The following AKAP3 variants were observed in gnomAD, a reference collection of about 807,000 sequenced individuals.
The protein encoded by AKAP3 is A-kinase anchoring protein 3.
A neutral mutation model predicts 57.2 loss-of-function variants in AKAP3; 27 were observed. That is an observed-to-expected ratio of 0.47 (90% CI 0.35 to 0.65). AKAP3 has a LOEUF of 0.65. Among genes scored for constraint, AKAP3 ranks in the 30% least tolerant of loss-of-function variants. The pLI is 0.01. For synonymous variants in AKAP3, 334 were observed against 392.3 expected (o/e 0.85, Z 1.76); for missense variants, 959 against 1,040.0 (o/e 0.92, Z 1.07).
intron 4 of AKAP3, among the ~76,000 whole-genome samples, chr12:4,630,273 A>G (rs1265957349): frequency 1.3e-5 from 2 of 152,196 alleles, no homozygotes; most frequent in Non-Finnish European, 2.9e-5. Context: ...TTTAATCCTC[A>G]TATTCGCCTA....
rs1431333107 is a variant in AKAP3, at chr12:4,626,687, T to C, written c.2215A>G (p.Asn739Asp). The C allele has an allele frequency of 6.2e-7, 1 of 1,614,114 alleles. No individual in the cohort carries two copies. Among genetic ancestry groups the C allele is most frequent in the Non-Finnish European group, 8.5e-7 (1 of 1,180,052 alleles). ...TGTCCTGATGTGCCTCTCATTTCAT[T>C]ATGGATAGCTTGATAGGCATTCTGC... Reference protein sequence around the residue: ...VLQNAYQAIHNEMRGTSGQPP... With the variant: ...VLQNAYQAIHDEMRGTSGQPP... Residue 739 changes from asparagine to aspartate, a missense_variant, in exon 5 of 6, where the codon AAT becomes GAT. Transcript: ENST00000228850.
At position 4,628,576 on chromosome 12, in the gene AKAP3, T is replaced by C. The variant is rs1945457709; in HGVS notation, c.326A>G (p.Gln109Arg). The C allele has an allele frequency of 1.2e-6, 2 of 1,614,242 alleles. No individual in the cohort carries two copies. Among genetic ancestry groups the C allele is most frequent in the Middle Eastern group, 1.6e-4 (1 of 6,062 alleles). The change falls in exon 5 of 6, where the codon CAG (glutamine) becomes CGG (arginine). Residue 109 changes from glutamine to arginine, a missense_variant. Transcript: ENST00000228850. ...FEMTHKEIPC[Q>R]GPRAQLGNGS... is the part of the protein sequence containing the mutation. ...GTTGCCAAGTTGGGCCCTGGGGCCCTGGCAAGGAATCTCTTTGTGAGTCAT... is the reference window on the plus strand; with the variant it reads ...GTTGCCAAGTTGGGCCCTGGGGCCCCGGCAAGGAATCTCTTTGTGAGTCAT...
chr12:4,636,946 G>A (rs562149547), intron 4 of AKAP3, among the ~76,000 whole-genome samples: 124 of 152,000 alleles, frequency 8.2e-4, no homozygotes, highest in African/African-American at 2.5e-3. Flanking sequence ...GAGTTTTGCC[G>A]TGTTGCCTGG....
In AKAP3 at chr12:4,627,734, CTTTCTTGGCAAACA is replaced by C. The variant is rs751722173; in HGVS notation, c.1154_1167del (p.Met385SerfsTer3). 1.2e-6 allele frequency: 2 copies of C among 1,614,154 alleles called. No individual in the cohort carries two copies. The highest frequency in any genetic ancestry group is 3.3e-5 in the Admixed American group (2 of 60,018). The stretch of plus-strand genomic sequence containing the variant: ...TGGGCTTTCCTGACATGCTCAGGGA[CTTTCTTGGCAAACA>C]TTACATTGTACAGCTTCCTTAGCAT... On this transcript the variant is annotated frameshift_variant, in exon 5 of 6. Coordinates refer to ENST00000228850, the MANE Select transcript of AKAP3 (RefSeq NM_001278309.2). LOFTEE classifies it high-confidence loss of function.
intron 5 of AKAP3, 130 bp downstream of exon 5, chr12:4,626,365 AT>A: frequency 1.8e-6 from 2 of 1,138,778 alleles, no homozygotes; most frequent in South Asian, 3.2e-5. Context: ...GCCAGGAGGC[AT>A]GATCTTCAAA....
Position 4,627,341 on chromosome 12 carries a change from C to CT in AKAP3, c.1560dup (p.Asp521ArgfsTer32). 1 of 1,614,082 alleles carries CT rather than the reference C, an allele frequency of 6.2e-7. No homozygotes were observed. Among genetic ancestry groups the CT allele is most frequent in the South Asian group, 1.1e-5 (1 of 91,070 alleles). On this transcript the variant is annotated frameshift_variant, in exon 5 of 6. Transcript: ENST00000228850. LOFTEE classifies it high-confidence loss of function. ...ACGATCAGGTCCTCGGCCCAGGAGTCTGAATCATACATAAAATTCTCAGGT... is the reference window on the plus strand; with the variant it reads ...ACGATCAGGTCCTCGGCCCAGGAGTCTTGAATCATACATAAAATTCTCAGGT...
chr12:4,635,801 C>T, intron 4 of AKAP3: 1 of 697,080 alleles, frequency 1.4e-6, no homozygotes, highest in South Asian at 1.6e-5. Flanking sequence ...GTCATCAAGA[C>T]ACACATTTTG....
intron 5 of AKAP3, 50 bp from the exon 6 acceptor site, chr12:4,615,944 G>C (rs761313018): frequency 1.2e-6 from 2 of 1,609,274 alleles, no homozygotes; most frequent in Non-Finnish European, 1.7e-6. Context: ...TCTCATGGCA[G>C]GCCAGATGGA....
intron 4 of AKAP3, among the ~76,000 whole-genome samples, chr12:4,630,924 A>G (rs900845888): frequency 1.1e-4 from 17 of 152,074 alleles, no homozygotes; most frequent in Non-Finnish European, 2.2e-4. Context: ...TCATTTTTAT[A>G]TATGTATGGG....
chr12:4,625,875 T>C lies in AKAP3; in HGVS notation c.2406+621A>G, dbSNP rs1945406298. On this transcript the variant is annotated intron_variant, in intron 5 of 5. Coordinates refer to ENST00000228850, the MANE Select transcript of AKAP3 (RefSeq NM_001278309.2). This position sits in a 1 kb window ranked among gnomAD's most constrained non-coding sequence, Gnocchi z 5.4. ...GCAGTTCTGATGCTTACTGGGCACC[T>C]TGGGTGGAGGACAAGAACTTATCAG... Among the ~76,000 whole-genome samples the C allele has an allele frequency of 6.6e-6, 1 of 152,144 alleles. No homozygotes were observed. The highest frequency in any genetic ancestry group is 1.5e-5 in the Non-Finnish European group (1 of 68,024).
chr12:4,632,245 G>A (rs1022532884), intron 4 of AKAP3, among the ~76,000 whole-genome samples: 8 of 152,232 alleles, frequency 5.3e-5, no homozygotes, highest in Non-Finnish European at 7.4e-5. Flanking sequence ...CTTTAAATCT[G>A]TTAATGAGTC....
At chr12:4,642,736 T>G (rs554987789) in intron 2 of AKAP3, among the ~76,000 whole-genome samples, 64 of 152,352 alleles carry the variant, frequency 4.2e-4, no homozygotes, top group African/African-American at 1.2e-3. Flanking sequence ...ATGTATTTCA[T>G]TTTCTTTACT....
At chr12:4,631,131 A>G (rs764988297) in intron 4 of AKAP3, among the ~76,000 whole-genome samples, 22 of 152,190 alleles carry the variant, frequency 1.4e-4, no homozygotes, top group Non-Finnish European at 2.9e-4. Flanking sequence ...TTTCCTCTCT[A>G]CTAATTTTGT....
rs368342610 is a variant in AKAP3, at chr12:4,628,582, G to A, written c.320C>T (p.Pro107Leu). 6.8e-6 allele frequency: 11 copies of A among 1,614,084 alleles called. No individual in the cohort carries two copies. The African/African-American group carries it at 1.3e-4, about 20-fold the overall frequency. The change falls in exon 5 of 6, where the codon CCT (proline) becomes CTT (leucine). Residue 107 changes from proline (P) to leucine (L), a missense_variant. Physicochemically the swap from Pro to Leu is moderately conservative, Grantham distance 98. Coordinates refer to ENST00000228850, the MANE Select transcript of AKAP3 (RefSeq NM_001278309.2). ...LHFEMTHKEI[P>L]CQGPRAQLGN... ...AAGTTGGGCCCTGGGGCCCTGGCAAGGAATCTCTTTGTGAGTCATCTCAAA... is the reference window on the plus strand; with the variant it reads ...AAGTTGGGCCCTGGGGCCCTGGCAAAGAATCTCTTTGTGAGTCATCTCAAA...
intron 5 of AKAP3, among the ~76,000 whole-genome samples, chr12:4,617,755 A>G (rs1371549598): frequency 6.6e-6 from 1 of 151,772 alleles, no homozygotes; most frequent in Non-Finnish European, 1.5e-5. Context: ...CTGTCTCAAA[A>G]AAAAAAAAAA....
intron 3 of AKAP3, among the ~76,000 whole-genome samples, chr12:4,640,020 G>A (rs751911674): frequency 6.6e-6 from 1 of 151,980 alleles, no homozygotes; most frequent in East Asian, 1.9e-4. Flanking sequence ...GTTTCACCGT[G>A]TTAGCCAGGA....
At chr12:4,642,457 A>C (rs1591536611) in intron 2 of AKAP3, among the ~76,000 whole-genome samples, 1 of 152,366 alleles carries the variant, frequency 6.6e-6, no homozygotes, top group East Asian at 1.9e-4. Context: ...GTTCATAGAT[A>C]TCTTCCAGAT....
In AKAP3 at chr12:4,638,091, TGAC is replaced by T. The variant is rs749619962; in HGVS notation, c.96+7_96+9del. On this transcript the variant is annotated splice_region_variant and intron_variant, in intron 4 of 5. Coordinates refer to ENST00000228850, the MANE Select transcript of AKAP3 (RefSeq NM_001278309.2). ...CTTAACCTAGTGTTTATCAAGAGGT[TGAC>T]CCTTACCATTTTCCAGTCCTGGGCT... is the stretch of plus-strand genomic sequence containing the variant. 3.1e-6 allele frequency: 5 copies of T among 1,596,198 alleles called. No homozygotes were observed. Among genetic ancestry groups the T allele is most frequent in the Non-Finnish European group, 4.3e-6 (5 of 1,163,734 alleles).
Position 4,627,939 on chromosome 12 carries a change from A to G in AKAP3, c.963T>C (p.Val321=). Residue 321 remains valine (V), a synonymous_variant, in exon 5 of 6, where the codon GTT becomes GTC. Coordinates refer to ENST00000228850, the MANE Select transcript of AKAP3 (RefSeq NM_001278309.2). The part of the protein sequence containing the change: ...TTIATILLKK[V]LLKHAKEVVS... ...CCACCTCTTTTGCATGCTTGAGCAG[A>G]ACCTTCTTCAGTAGGATGGTGGCAA... The G allele has an allele frequency of 6.2e-7, 1 of 1,614,122 alleles. No homozygotes were observed. Among genetic ancestry groups the G allele is most frequent in the East Asian group, 2.2e-5 (1 of 44,878 alleles).
Sources: gnomAD v4.1 joint callset for allele counts (sites outside exome capture counted in the v4.1 genomes callset) on GRCh38, gnomAD v4.1.1 for gene constraint, Gnocchi (gnomAD v3.1) non-coding constraint, MANE v1.5 for transcripts, NCBI Gene and HGNC (gene_info 2026-07-23, HGNC 2026-07-21) for gene names.